KDM4A: variants seen among roughly 807,000 people sequenced by gnomAD.
KDM4A encodes the protein lysine demethylase 4A.
Under a neutral mutation model 127.1 loss-of-function variants are expected in KDM4A, and 23 were observed. That is an observed-to-expected ratio of 0.18 (90% CI 0.13 to 0.26). KDM4A has a LOEUF of 0.26. Ranked by LOEUF, KDM4A falls within the 10% of genes least tolerant of loss-of-function variation. The pLI, the probability that KDM4A is intolerant of heterozygous loss-of-function variation, is 1.00. For synonymous variants in KDM4A, 443 were observed against 466.5 expected (o/e 0.95, Z 0.65); for missense variants, 890 against 1,329.1 (o/e 0.67, Z 5.14).
intron 13 of KDM4A, chr1:43,690,556 CATTTT>C: frequency 2.2e-6 from 1 of 463,798 alleles, no homozygotes; most frequent in South Asian, 2.2e-5. Flanking sequence ...CCTCTCAGTG[CATTTT>C]ATTAACCACT....
intron 12 of KDM4A, 107 bp downstream of exon 12, chr1:43,683,911 T>C: frequency 8.1e-7 from 1 of 1,227,020 alleles, no homozygotes; most frequent in Middle Eastern, 2.2e-4. Flanking sequence ...GGCCTGTGGC[T>C]TAGCTGCTCT....
intron 9 of KDM4A, 37 bp from the exon 10 acceptor site, chr1:43,669,063 A>G (rs747900147): frequency 1.1e-5 from 18 of 1,605,854 alleles, no homozygotes; most frequent in Non-Finnish European, 1.4e-5. Flanking sequence ...GTGGATGTAT[A>G]TGTGGGCTCT....
intron 19 of KDM4A, among the ~76,000 whole-genome samples, chr1:43,698,786 A>G (rs1434868088): frequency 2.0e-5 from 3 of 152,142 alleles, no homozygotes; most frequent in Non-Finnish European, 2.9e-5. Flanking sequence ...CATAGCTATC[A>G]TTTATTTATA....
intron 19 of KDM4A, chr1:43,702,428 G>A (rs573485199): frequency 6.6e-6 from 1 of 152,170 alleles, no homozygotes; most frequent in Non-Finnish European, 1.5e-5. Flanking sequence ...GTAGGGAACT[G>A]TTTCCACTCA....
At chr1:43,698,051 G>T (rs755010559) in intron 19 of KDM4A, 38 bp downstream of exon 19, 4 of 1,595,616 alleles carry the variant, frequency 2.5e-6, no homozygotes, top group Non-Finnish European at 3.4e-6. Context: ...AGTTTGGAAT[G>T]GGGGGATGTT....
chr1:43,704,226 A>G lies in KDM4A; in HGVS notation c.3055-4A>G. 6.2e-7 allele frequency: 1 copy of G among 1,614,100 alleles called. No individual in the cohort carries two copies. Among genetic ancestry groups the G allele is most frequent in the Non-Finnish European group, 8.5e-7 (1 of 1,179,994 alleles). Reference sequence around the variant, plus strand: ...TGACACTTGGCTTGCTTATTCTTCTATAGTCAGTAGCCTCAGACATGCGCT... The same window carrying G: ...TGACACTTGGCTTGCTTATTCTTCTGTAGTCAGTAGCCTCAGACATGCGCT... On this transcript the variant is annotated splice_polypyrimidine_tract_variant and splice_region_variant and intron_variant, in intron 21 of 21. Transcript: ENST00000372396.
At chr1:43,663,212 T>A in intron 5 of KDM4A, 125 bp downstream of exon 5, 1 of 801,588 alleles carries the variant, frequency 1.2e-6, no homozygotes, top group Non-Finnish European at 2.0e-6. Flanking sequence ...GGGGTGACAT[T>A]CCATGTTTTA....
At chr1:43,697,472 G>A (rs1383358455) in intron 18 of KDM4A, among the ~76,000 whole-genome samples, 11 of 152,218 alleles carry the variant, frequency 7.2e-5, no homozygotes, top group Admixed American at 7.2e-4. Flanking sequence ...TGGCGGCCCA[G>A]GCCTCAGGGC....
rs1661523855 is a variant in KDM4A, at chr1:43,705,249, T to C, written c.*879T>C. 8.3e-6 allele frequency: 1 copy of C among 120,098 alleles called. No individual in the cohort carries two copies. The highest frequency in any genetic ancestry group is 1.6e-5 in the Non-Finnish European group (1 of 61,490). The allele number at this position is 120,098 out of a possible 1,614,324, so 7.4% of individuals were successfully genotyped here. On this transcript the variant is annotated 3_prime_UTR_variant, in exon 22 of 22. Transcript: ENST00000372396. ...GTTAGGATGAAAAAACTGGGGCCATTGGAGGCCCACTGTAGGTGGGAGGGA... is the reference window on the plus strand; with the variant it reads ...GTTAGGATGAAAAAACTGGGGCCATCGGAGGCCCACTGTAGGTGGGAGGGA...
At chr1:43,698,152 C>A in intron 19 of KDM4A, 139 bp downstream of exon 19, 1 of 779,964 alleles carries the variant, frequency 1.3e-6, no homozygotes, top group Non-Finnish European at 2.0e-6. Flanking sequence ...CAGAAAGAAT[C>A]ATCTGTACCA....
intron 13 of KDM4A, among the ~76,000 whole-genome samples, 170 bp downstream of exon 13, chr1:43,689,265 A>T (rs1661054152): frequency 6.6e-6 from 1 of 152,242 alleles, no homozygotes; most frequent in African/African-American, 2.4e-5. Flanking sequence ...CAGATAACCC[A>T]GCAACGTGGG....
intron 11 of KDM4A, among the ~76,000 whole-genome samples, chr1:43,679,000 C>T (rs1475936893): frequency 6.6e-6 from 1 of 152,110 alleles, no homozygotes; most frequent in Non-Finnish European, 1.5e-5. Context: ...GCCACTGTCA[C>T]CAGAATGCAG....
chr1:43,704,359 A>G lies in KDM4A; in HGVS notation c.3184A>G (p.Ile1062Val). The change falls in exon 22 of 22, where the codon ATC becomes GTC. Residue 1062 changes from isoleucine to valine, a missense_variant. Around this residue, in one of 7 missense-constraint regions of KDM4A, gnomAD observed 246 missense variants for 418.4 expected, o/e 0.59. Transcript: ENST00000372396. ...DYIEPALYRA[I>V]ME ...TATTGAGCCTGCACTATACCGGGCC[A>G]TCATGGAGTAGGTGCTTCCAGGGTC... 4.3e-6 allele frequency: 7 copies of G among 1,613,414 alleles called. No homozygotes were observed. Among genetic ancestry groups the G allele is most frequent in the Non-Finnish European group, 5.9e-6 (7 of 1,179,852 alleles).
chr1:43,697,502 C>T (rs1039265446), intron 18 of KDM4A, among the ~76,000 whole-genome samples: 2 of 152,140 alleles, frequency 1.3e-5, no homozygotes, highest in South Asian at 2.1e-4. Context: ...GTCTCTCCTT[C>T]GATACTTTGA....
In KDM4A at chr1:43,666,939, T is replaced by C; in HGVS notation, c.778-15T>C. 6.2e-7 allele frequency: 1 copy of C among 1,613,558 alleles called. No individual in the cohort carries two copies. The highest frequency in any genetic ancestry group is 1.1e-5 in the South Asian group (1 of 90,992). ...TGCCATTTGAAGCAGCTGCTTCAAG[T>C]CTGCTCTTGTTCAGGTGACTCAAGA... On this transcript the variant is annotated splice_polypyrimidine_tract_variant and intron_variant, in intron 7 of 21. Coordinates refer to ENST00000372396, the MANE Select transcript of KDM4A (RefSeq NM_014663.3).
chr1:43,697,370 G>A (rs1661266017), intron 18 of KDM4A, among the ~76,000 whole-genome samples: 1 of 152,246 alleles, frequency 6.6e-6, no homozygotes, highest in African/African-American at 2.4e-5. Flanking sequence ...ACAGTTTGTT[G>A]TGTGTAGCTG....
chr1:43,678,004 A>C (rs540163971), intron 11 of KDM4A, among the ~76,000 whole-genome samples: 47 of 152,294 alleles, frequency 3.1e-4, no homozygotes, highest in Admixed American at 3.1e-3. Flanking sequence ...GAAGGTAGGC[A>C]CATAGGACTG....
chr1:43,681,847 A>G (rs534514847), intron 11 of KDM4A, among the ~76,000 whole-genome samples: 1 of 152,202 alleles, frequency 6.6e-6, no homozygotes, highest in Non-Finnish European at 1.5e-5. Flanking sequence ...TAGTATATGT[A>G]ATTGATTAGT....
chr1:43,688,905 C>T lies in KDM4A; in HGVS notation c.1856-9C>T, dbSNP rs375659779. 8.1e-6 allele frequency: 13 copies of T among 1,612,832 alleles called. No homozygotes were observed. The highest frequency in any genetic ancestry group is 8.0e-5 in the African/African-American group (6 of 74,880). On this transcript the variant is annotated splice_polypyrimidine_tract_variant and intron_variant, in intron 12 of 21. Transcript: ENST00000372396. This position sits in a 1 kb window ranked among gnomAD's most constrained non-coding sequence, Gnocchi z 4.4. ...TAGTGCTGACTCACACTTCTGTTTCCTCCTCTAGAGACATCTGAACAGCTG... is the reference window on the plus strand; with the variant it reads ...TAGTGCTGACTCACACTTCTGTTTCTTCCTCTAGAGACATCTGAACAGCTG...
Sources: gnomAD v4.1 joint callset for allele counts (sites outside exome capture counted in the v4.1 genomes callset) on GRCh38, gnomAD v4.1.1 for gene constraint, gnomAD v4.1.1 regional missense constraint, Gnocchi (gnomAD v3.1) non-coding constraint, MANE v1.5 for transcripts, NCBI Gene and HGNC (gene_info 2026-07-23, HGNC 2026-07-21) for gene names.